Variants in CCSER1 observed in about 807,000 individuals in gnomAD.
CCSER1 encodes the protein serine-rich coiled-coil domain-containing protein 1.
CCSER1 carries 41 observed loss-of-function variants against 82.0 expected under a neutral mutation model. The ratio of observed to expected loss-of-function variants is 0.50; its 90% CI spans 0.39 to 0.65. The LOEUF is 0.65. Ranked by LOEUF, CCSER1 falls within the 30% of genes least tolerant of loss-of-function variation. The probability of loss-of-function intolerance (pLI) is 0.00; values close to 1 mark genes in which losing one functional copy is unlikely to be tolerated. For synonymous variants in CCSER1, 414 were observed against 383.9 expected (o/e 1.08, Z -0.92); for missense variants, 1,119 against 1,064.2 (o/e 1.05, Z -0.72).
chr4:91,161,176 T>C (rs972874134), intron 10 of CCSER1, among the ~76,000 whole-genome samples: 4 of 152,198 alleles, frequency 2.6e-5, no homozygotes, highest in Admixed American at 2.0e-4. Flanking sequence ...TCCCCACTTC[T>C]TCTTTTTGTC....
chr4:91,364,748 T>C (rs540605014), intron 10 of CCSER1, among the ~76,000 whole-genome samples: 9 of 152,114 alleles, frequency 5.9e-5, no homozygotes, highest in African/African-American at 1.9e-4. Flanking sequence ...TATTTTCTAT[T>C]ATTCATTGCA....
At chr4:91,105,490 G>T (rs1375512826) in intron 10 of CCSER1, among the ~76,000 whole-genome samples, 3 of 152,024 alleles carry the variant, frequency 2.0e-5, no homozygotes, top group Non-Finnish European at 4.4e-5. Flanking sequence ...CGGATCACAA[G>T]GTCAGGAGTT....
chr4:91,252,153 A>G (rs1740305886), intron 10 of CCSER1, among the ~76,000 whole-genome samples: 1 of 152,158 alleles, frequency 6.6e-6, no homozygotes, highest in African/African-American at 2.4e-5. Context: ...TCTTTGGGAG[A>G]CAGAGGACAG....
At chr4:90,693,556 G>A (rs979136401) in intron 6 of CCSER1, 2 of 152,040 alleles carry the variant, frequency 1.3e-5, no homozygotes, top group Middle Eastern at 3.4e-3. Context: ...ATGATAAAAG[G>A]TGGAATAAGC....
intron 10 of CCSER1, among the ~76,000 whole-genome samples, chr4:91,172,874 CAT>C (rs1732910078): frequency 6.6e-6 from 1 of 152,062 alleles, no homozygotes; most frequent in African/African-American, 2.4e-5. Context: ...ATAGAAGAAA[CAT>C]ATTAAACATA....
chr4:91,184,225 A>G (rs1156288003), intron 10 of CCSER1, among the ~76,000 whole-genome samples: 2 of 152,246 alleles, frequency 1.3e-5, no homozygotes, highest in African/African-American at 4.8e-5. Context: ...TGCTTGGCCC[A>G]CATACGACTG....
intron 10 of CCSER1, among the ~76,000 whole-genome samples, chr4:91,322,471 C>T (rs1002601843): frequency 7.2e-5 from 11 of 151,988 alleles, no homozygotes; most frequent in Non-Finnish European, 1.0e-4. Context: ...ACAACTACTT[C>T]TAAAAGTGAT....
intron 10 of CCSER1, among the ~76,000 whole-genome samples, chr4:91,349,057 G>A (rs1319747780): frequency 2.6e-5 from 4 of 151,894 alleles, no homozygotes; most frequent in African/African-American, 9.7e-5. Flanking sequence ...TACAGGCACC[G>A]CCACCGTGCC....
chr4:90,220,426 T>G (rs940459858), intron 1 of CCSER1, among the ~76,000 whole-genome samples: 16 of 152,116 alleles, frequency 1.1e-4, no homozygotes, highest in Admixed American at 2.6e-4. Flanking sequence ...TGTGATTTTT[T>G]CCCCTGCACA....
intron 9 of CCSER1, among the ~76,000 whole-genome samples, chr4:90,959,252 ATTC>A (rs1581205979): frequency 6.6e-6 from 1 of 152,218 alleles, no homozygotes; most frequent in South Asian, 2.1e-4. Context: ...AACATGCAGT[ATTC>A]TTTGCCTATT....
At chr4:90,143,254 A>G (rs1265602988) in intron 1 of CCSER1, among the ~76,000 whole-genome samples, 2 of 151,950 alleles carry the variant, frequency 1.3e-5, no homozygotes, top group Admixed American at 6.6e-5. Flanking sequence ...TATTAAGCCA[A>G]TTTCTTCTCA....
rs1382550300 is a variant in CCSER1 at position 90,947,723 on chromosome 4, A to C, written c.2172+24276A>C. 2.6e-5 allele frequency among the ~76,000 whole-genome samples: 4 copies of C among 152,226 alleles called. No individual in the cohort carries two copies. In the East Asian group the frequency reaches 5.8e-4, roughly 22 times the overall value. ...ACTTTTTAGTCATTTATCTCCTTAC[A>C]ACCTATCATGAAGCACATTTTTTCC... On this transcript the variant is annotated intron_variant, in intron 9 of 10. Coordinates refer to ENST00000509176, the MANE Select transcript of CCSER1 (RefSeq NM_001145065.2).
chr4:90,691,516 T>C (rs1024759474), intron 6 of CCSER1, among the ~76,000 whole-genome samples: 1 of 151,224 alleles, frequency 6.6e-6, no homozygotes, highest in African/African-American at 2.4e-5. Context: ...ATATATTACA[T>C]GTGTACATAT....
intron 6 of CCSER1, among the ~76,000 whole-genome samples, chr4:90,685,471 T>C (rs931401208): frequency 6.6e-6 from 1 of 152,156 alleles, no homozygotes; most frequent in African/African-American, 2.4e-5. Flanking sequence ...AGACACCATA[T>C]AGGTCACACT....
At chr4:90,883,287 G>A (rs896664501) in intron 8 of CCSER1, among the ~76,000 whole-genome samples, 5 of 151,948 alleles carry the variant, frequency 3.3e-5, no homozygotes, top group African/African-American at 1.2e-4. Flanking sequence ...TATCATCAAT[G>A]ACAAACCATT....
intron 7 of CCSER1, among the ~76,000 whole-genome samples, chr4:90,732,374 C>T (rs1412667722): frequency 3.3e-5 from 5 of 152,078 alleles, no homozygotes; most frequent in South Asian, 2.1e-4. Context: ...AGATCACACT[C>T]GCCTCTACCA....
chr4:90,914,158 C>T (rs1281360211), intron 8 of CCSER1, among the ~76,000 whole-genome samples: 1 of 152,164 alleles, frequency 6.6e-6, no homozygotes. Context: ...TAGACATCTA[C>T]AGAACTCTCC....
intron 5 of CCSER1, among the ~76,000 whole-genome samples, chr4:90,610,730 A>G (rs1041053475): frequency 6.6e-6 from 1 of 152,200 alleles, no homozygotes; most frequent in Non-Finnish European, 1.5e-5. Flanking sequence ...AGCTACACAC[A>G]TAACAATGAA....
At chr4:91,561,559 C>T (rs747176338) in intron 10 of CCSER1, among the ~76,000 whole-genome samples, 2 of 151,470 alleles carry the variant, frequency 1.3e-5, no homozygotes, top group African/African-American at 2.4e-5. Context: ...TTTAGCAATA[C>T]ATGATATATG....
Sources: allele counts gnomAD v4.1 joint callset (sites outside exome capture counted in the v4.1 genomes callset), GRCh38; gene constraint gnomAD v4.1.1; transcripts MANE v1.5; gene names NCBI Gene and HGNC (gene_info 2026-07-23, HGNC 2026-07-21).